Variants in CNDP1 observed in about 807,000 individuals in gnomAD.
CNDP1 encodes the protein beta-Ala-His dipeptidase.
A neutral mutation model predicts 58.1 loss-of-function variants in CNDP1; 44 were observed. That is an observed-to-expected ratio of 0.76 (90% confidence interval 0.60 to 0.97). The LOEUF (loss-of-function observed/expected upper bound fraction) is 0.97, where lower values mean the gene tolerates loss of function less well. Ranked by LOEUF, CNDP1 falls within the 50% of genes least tolerant of loss-of-function variation. CNDP1 has a pLI of 0.00. For missense variants in CNDP1, 616 were observed against 655.1 expected, an observed-to-expected ratio of 0.94 and a Z score of 0.65; for synonymous variants, 254 against 252.6, an observed-to-expected ratio of 1.01 and a Z score of -0.05.
chr18:74,558,314 A>G (rs1321180130), intron 2 of CNDP1, among the ~76,000 whole-genome samples: 2 of 151,850 alleles, frequency 1.3e-5, no homozygotes, highest in African/African-American at 4.8e-5. Flanking sequence ...AGTGGCTGCC[A>G]GGTGCTGGGC....
At chr18:74,552,569 A>G (rs566571643) in intron 1 of CNDP1, among the ~76,000 whole-genome samples, 1 of 152,358 alleles carries the variant, frequency 6.6e-6, no homozygotes, top group South Asian at 2.1e-4. Context: ...AAGTTTGTCT[A>G]CACTGTAGCA....
intron 5 of CNDP1, chr18:74,567,027 A>G (rs1262736238): frequency 1.7e-6 from 1 of 573,452 alleles, no homozygotes; most frequent in African/African-American, 1.9e-5. Context: ...CAAACCCCTG[A>G]TAAACCCATC....
At position 74,562,138 on chromosome 18, in the gene CNDP1, A is replaced by C; in HGVS notation, c.555+3A>C. 2 of 1,613,802 alleles carry C rather than the reference A, an allele frequency of 1.2e-6. No homozygotes were observed. Among genetic ancestry groups the C allele is most frequent in the Non-Finnish European group, 1.7e-6 (2 of 1,179,728 alleles). ...GCGCCTTCAGAGCCCTGGAGCAAGTAGGTGGCAGCTGTGTTTGGGAGAGAG... is the reference window on the plus strand; with the variant it reads ...GCGCCTTCAGAGCCCTGGAGCAAGTCGGTGGCAGCTGTGTTTGGGAGAGAG... On this transcript the variant is annotated splice_donor_region_variant and intron_variant, in intron 5 of 11. Transcript: ENST00000358821.
At chr18:74,571,685 A>C (rs1981483428) in intron 7 of CNDP1, among the ~76,000 whole-genome samples, 1 of 152,216 alleles carries the variant, frequency 6.6e-6, no homozygotes, top group African/African-American at 2.4e-5. Context: ...TTTTGACTGA[A>C]GATAAATCAA....
intron 10 of CNDP1, among the ~76,000 whole-genome samples, chr18:74,580,541 G>A (rs1003531399): frequency 5.9e-5 from 9 of 152,212 alleles, no homozygotes; most frequent in Non-Finnish European, 1.0e-4. Flanking sequence ...CTCACAAGGG[G>A]CAAAGCCTGT....
rs1000082871 is a variant in CNDP1 at position 74,585,500 on chromosome 18, C to T, written c.*938C>T. 1 of 152,224 alleles carries T rather than the reference C, an allele frequency of 6.6e-6. No homozygotes were observed. Among genetic ancestry groups the T allele is most frequent in the African/African-American group, 2.4e-5 (1 of 41,448 alleles). 9.4% of individuals were successfully genotyped at this position (152,224 alleles called of 1,614,324 possible). A position where few individuals can be genotyped will look rare whatever the true frequency, so the allele number is the denominator to read the frequency against. On this transcript the variant is annotated 3_prime_UTR_variant, in exon 12 of 12. Coordinates refer to ENST00000358821, the MANE Select transcript of CNDP1 (RefSeq NM_032649.6). Reference sequence around the variant, plus strand: ...AATTTAAAGCCATCAGCTAATGCTGCATTCATTAATCATTTTAGTTAACCA... The same window carrying T: ...AATTTAAAGCCATCAGCTAATGCTGTATTCATTAATCATTTTAGTTAACCA...
At chr18:74,579,930 C>T (rs1332316312) in intron 9 of CNDP1, among the ~76,000 whole-genome samples, 200 bp from the exon 10 acceptor site, 1 of 152,200 alleles carries the variant, frequency 6.6e-6, no homozygotes, top group African/African-American at 2.4e-5. Context: ...GCTGTCAGCA[C>T]TGAAGAAGGA....
At chr18:74,557,543 C>A (rs919163395) in intron 2 of CNDP1, among the ~76,000 whole-genome samples, 1 of 151,954 alleles carries the variant, frequency 6.6e-6, no homozygotes, top group Non-Finnish European at 1.5e-5. Context: ...CTCCTCCCCA[C>A]CCCCACTCTC....
At chr18:74,583,114 C>A (rs1359150488) in intron 10 of CNDP1, among the ~76,000 whole-genome samples, 1 of 152,198 alleles carries the variant, frequency 6.6e-6, no homozygotes, top group Non-Finnish European at 1.5e-5. Flanking sequence ...TCAAGCGATT[C>A]TCCTGCCTCA....
rs745492929 is a variant in CNDP1 at position 74,562,124 on chromosome 18, G to C, written c.544G>C (p.Ala182Pro). 1.2e-6 allele frequency: 2 copies of C among 1,614,092 alleles called. No homozygotes were observed. The highest frequency in any genetic ancestry group is 8.5e-7 in the Non-Finnish European group (1 of 1,179,952). Residue 182 changes from alanine to proline, a missense_variant, in exon 5 of 12, where the codon GCC (alanine) becomes CCC (proline). By Grantham distance (27) the Ala-to-Pro change is conservative. Transcript: ENST00000358821. Reference sequence around the variant, plus strand: ...GATCAATGCTGTGAGCGCCTTCAGAGCCCTGGAGCAAGTAGGTGGCAGCTG... The same window carrying C: ...GATCAATGCTGTGAGCGCCTTCAGACCCCTGGAGCAAGTAGGTGGCAGCTG... ...AWINAVSAFR[A>P]LEQDLPVNIK...
intron 1 of CNDP1, among the ~76,000 whole-genome samples, chr18:74,536,284 T>C (rs1437297111): frequency 2.7e-5 from 4 of 149,622 alleles, no homozygotes; most frequent in Admixed American, 2.6e-4. Flanking sequence ...GCTGATCCTC[T>C]CCCTCCTCCC....
At chr18:74,554,951 C>T (rs948358844) in intron 1 of CNDP1, among the ~76,000 whole-genome samples, 1 of 152,046 alleles carries the variant, frequency 6.6e-6, no homozygotes, top group Non-Finnish European at 1.5e-5. Context: ...TAAGCAACAT[C>T]GGCGGGGCCA....
At chr18:74,562,287 C>A (rs777233737) in intron 5 of CNDP1, 152 bp downstream of exon 5, 20 of 674,908 alleles carry the variant, frequency 3.0e-5, no homozygotes, top group Non-Finnish European at 4.7e-5. Context: ...ATCCATTTTG[C>A]AGATAAGGAC....
intron 3 of CNDP1, among the ~76,000 whole-genome samples, 179 bp downstream of exon 3, chr18:74,559,651 A>C (rs1319807415): frequency 2.7e-4 from 41 of 152,176 alleles, no homozygotes; most frequent in Non-Finnish European, 2.4e-4. Flanking sequence ...ATTGCTTTCC[A>C]GTCTTGTCAG....
chr18:74,555,083 C>G (rs576781413), intron 1 of CNDP1, among the ~76,000 whole-genome samples: 5 of 152,276 alleles, frequency 3.3e-5, no homozygotes, highest in African/African-American at 1.2e-4. Flanking sequence ...CCCTGCTCAC[C>G]TCCACCTACG....
At chr18:74,582,568 T>G (rs920358318) in intron 10 of CNDP1, among the ~76,000 whole-genome samples, 2 of 152,196 alleles carry the variant, frequency 1.3e-5, no homozygotes, top group African/African-American at 4.8e-5. Flanking sequence ...CATTGTCTTG[T>G]GTCGTGCCAA....
intron 10 of CNDP1, 66 bp from the exon 11 acceptor site, chr18:74,583,495 C>A: frequency 7.2e-7 from 1 of 1,382,390 alleles, no homozygotes; most frequent in Non-Finnish European, 1.0e-6. Context: ...AGGCACTGAC[C>A]TTGAGGAGCT....
Position 74,567,408 on chromosome 18 carries a change from G to C in CNDP1, c.731G>C (p.Arg244Pro), listed in dbSNP as rs750904832. 1 of 1,612,762 alleles carries C rather than the reference G, an allele frequency of 6.2e-7. No individual in the cohort carries two copies. Among genetic ancestry groups the C allele is most frequent in the South Asian group, 1.1e-5 (1 of 90,964 alleles). ...QRKPAITYGT[R>P]GNSYFMVEVK... ...AAGCCAGCAATCACTTACGGAACCC[G>C]GGGGAACAGCTACTTCATGGTGGAG... Residue 244 changes from arginine (R) to proline (P), a missense_variant, in exon 6 of 12, where the codon CGG becomes CCG. Arg to Pro is a moderately radical substitution (Grantham distance 103, BLOSUM62 -2). Transcript: ENST00000358821.
Position 74,560,965 on chromosome 18 carries a change from C to T in CNDP1, c.413C>T (p.Ala138Val), listed in dbSNP as rs749199716. 33 of 1,614,166 alleles carry T rather than the reference C, an allele frequency of 2.0e-5. No individual in the cohort carries two copies. The highest frequency in any genetic ancestry group is 2.8e-5 in the Non-Finnish European group (33 of 1,180,038). Residue 138 changes from alanine (A) to valine (V), a missense_variant, in exon 4 of 12, where the codon GCT becomes GTT. Transcript: ENST00000358821. ...TACGGCCACTTGGACGTGCAGCCTG[C>T]TGACCGGGGCGATGGGTGGCTCACG... ...CFYGHLDVQP[A>V]DRGDGWLTDP...
Sources: gnomAD v4.1 joint callset for allele counts (sites outside exome capture counted in the v4.1 genomes callset) on GRCh38, gnomAD v4.1.1 for gene constraint, MANE v1.5 for transcripts, NCBI Gene and HGNC (gene_info 2026-07-23, HGNC 2026-07-21) for gene names.